The following FAM83F variants were observed in gnomAD, a reference collection of about 807,000 sequenced individuals.
FAM83F encodes scaffolding CK1 anchoring protein F.
FAM83F carries 45 observed loss-of-function variants against 42.9 expected under a neutral mutation model. That is an observed-to-expected ratio of 1.05 (90% CI 0.83 to 1.35). FAM83F has a LOEUF of 1.35. FAM83F is among the 40% of genes most tolerant of loss of function. The probability of loss-of-function intolerance (pLI) is 0.00; values close to 1 mark genes in which losing one functional copy is unlikely to be tolerated. For missense variants in FAM83F, 617 were observed against 695.9 expected (o/e 0.89, Z 1.28); for synonymous variants, 306 against 298.3 (o/e 1.03, Z -0.27).
chr22:40,029,579 G>T lies in FAM83F; in HGVS notation c.*14G>T. 6.2e-7 allele frequency: 1 copy of T among 1,610,150 alleles called. No individual in the cohort carries two copies. The highest frequency in any genetic ancestry group is 8.5e-7 in the Non-Finnish European group (1 of 1,178,152). On this transcript the variant is annotated 3_prime_UTR_variant, in exon 5 of 5. Coordinates refer to ENST00000333407, the MANE Select transcript of FAM83F (RefSeq NM_138435.4). ...GTGATTTCCTGAGCTGCGGGATGGT[G>T]GTGGGCAGGACGTGTGGATGCCTGC...
At chr22:40,015,627 C>T (rs2067488790) in intron 1 of FAM83F, among the ~76,000 whole-genome samples, 1 of 152,100 alleles carries the variant, frequency 6.6e-6, no homozygotes. Context: ...GCAAGGCAGC[C>T]CAGACAACCT....
intron 1 of FAM83F, among the ~76,000 whole-genome samples, chr22:40,014,131 CTTTTT>C (rs57224519): frequency 1.7e-5 from 2 of 116,808 alleles, no homozygotes; most frequent in African/African-American, 6.7e-5. Context: ...TATTTCTTTT[CTTTTT>C]TTTTTTTTTT....
chr22:40,022,383 C>T (rs1601771531), intron 4 of FAM83F, among the ~76,000 whole-genome samples: 1 of 152,148 alleles, frequency 6.6e-6, no homozygotes, highest in African/African-American at 2.4e-5. Flanking sequence ...GCAGCTCGAC[C>T]CTGGCTCTGA....
chr22:40,039,885 G>A lies in FAM83F; in HGVS notation c.*10320G>A, dbSNP rs2067643942. ...CAAAAAGGTTATAGATGAGCTTAGA[G>A]AAATGAATTTCAGTAGAGTTAGGGC... On this transcript the variant is annotated 3_prime_UTR_variant, in exon 5 of 5. Coordinates refer to ENST00000333407, the MANE Select transcript of FAM83F (RefSeq NM_138435.4). 6.6e-6 allele frequency: 1 copy of A among 152,298 alleles called. No individual in the cohort carries two copies. Among genetic ancestry groups the A allele is most frequent in the Non-Finnish European group, 1.5e-5 (1 of 68,058 alleles). 9.4% of individuals were successfully genotyped at this position (152,298 alleles called of 1,614,324 possible). A position where few individuals can be genotyped will look rare whatever the true frequency, so the allele number is the denominator to read the frequency against.
rs931272926 is a variant in FAM83F, at chr22:40,021,585, G to T, written c.1075G>T (p.Glu359Ter). 6.4e-7 allele frequency: 1 copy of T among 1,574,268 alleles called. No homozygotes were observed. The change falls in exon 4 of 5, where the codon GAG (glutamate) becomes TAG (stop). Residue 359 changes from glutamate to a stop codon, truncating the protein, a stop_gained. Transcript: ENST00000333407. LOFTEE classifies it high-confidence loss of function. This position sits in a 1 kb window ranked among gnomAD's most constrained non-coding sequence, Gnocchi z 8.7. ...GGCGGGCGGCAACCCGGAGGGGCAG[G>T]AGGAGGGCGCCAGCGGTGGCGAGTC... The part of the protein sequence containing the change: ...REAGGNPEGQ[E>*]EGASGGESAW...
At position 40,031,794 on chromosome 22, in the gene FAM83F, G is replaced by A. The variant is rs552394164; in HGVS notation, c.*2229G>A. The A allele has an allele frequency of 1.4e-4, 21 of 152,340 alleles. No individual in the cohort carries two copies. Among genetic ancestry groups the A allele is most frequent in the South Asian group, 4.1e-4 (2 of 4,830 alleles). 9.4% of individuals were successfully genotyped at this position (152,340 alleles called of 1,614,324 possible). A position where few individuals can be genotyped will look rare whatever the true frequency, so the allele number is the denominator to read the frequency against. ...ATAGCAGTGTGGACAAGATGGTGTC[G>A]GCACCCCCCGCTCCAAAAGGCTTGA... On this transcript the variant is annotated 3_prime_UTR_variant, in exon 5 of 5. Transcript: ENST00000333407.
chr22:40,005,476 C>T (rs556570522), intron 1 of FAM83F, among the ~76,000 whole-genome samples: 3 of 152,378 alleles, frequency 2.0e-5, no homozygotes, highest in Admixed American at 2.0e-4. Flanking sequence ...TAGGATCTTA[C>T]AAAGAATTGC....
At chr22:40,008,057 C>A (rs957499733) in intron 1 of FAM83F, among the ~76,000 whole-genome samples, 1 of 152,216 alleles carries the variant, frequency 6.6e-6, no homozygotes. Flanking sequence ...GGTGTAGACA[C>A]CCGGTATGGC....
chr22:40,013,082 CA>C (rs754625979), intron 1 of FAM83F, among the ~76,000 whole-genome samples: 993 of 46,366 alleles, frequency 0.021, 3 homozygotes, highest in African/African-American at 0.059. Flanking sequence ...GACTCCGTTT[CA>C]AAAAAAAAAA....
At chr22:39,996,936 G>A (rs2067375774) in intron 1 of FAM83F, among the ~76,000 whole-genome samples, 1 of 152,132 alleles carries the variant, frequency 6.6e-6, no homozygotes, top group Admixed American at 6.5e-5. Flanking sequence ...CTGGGGTTAG[G>A]GGTCAAGTCT....
At chr22:40,005,200 C>T (rs897548550) in intron 1 of FAM83F, among the ~76,000 whole-genome samples, 3 of 152,218 alleles carry the variant, frequency 2.0e-5, no homozygotes, top group Non-Finnish European at 4.4e-5. Context: ...CAAGAAATAC[C>T]TCGACAGATA....
intron 2 of FAM83F, among the ~76,000 whole-genome samples, chr22:40,019,609 C>T (rs1303900446): frequency 6.6e-6 from 1 of 152,202 alleles, no homozygotes; most frequent in Admixed American, 6.5e-5. Flanking sequence ...TGCAGAATCA[C>T]TGATGTCAAA....
At chr22:40,019,816 C>G in intron 2 of FAM83F, 71 bp from the exon 3 acceptor site, 1 of 1,531,830 alleles carries the variant, frequency 6.5e-7, no homozygotes, top group Non-Finnish European at 8.8e-7. Flanking sequence ...GGCTCTTCCT[C>G]TGCAGAAGCA....
chr22:40,012,423 C>T (rs1451026406), intron 1 of FAM83F, among the ~76,000 whole-genome samples: 2 of 152,152 alleles, frequency 1.3e-5, no homozygotes, highest in Non-Finnish European at 2.9e-5. Flanking sequence ...GCGTGAGCCA[C>T]TGCACCCAGC....
At chr22:40,025,465 C>T (rs1455587831) in intron 4 of FAM83F, among the ~76,000 whole-genome samples, 3 of 152,126 alleles carry the variant, frequency 2.0e-5, no homozygotes, top group Non-Finnish European at 2.9e-5. Flanking sequence ...GCAACAAATA[C>T]GCTTGGAGAG....
At chr22:39,997,222 G>C (rs1033527898) in intron 1 of FAM83F, among the ~76,000 whole-genome samples, 1 of 152,188 alleles carries the variant, frequency 6.6e-6, no homozygotes. Context: ...GGTGCAGTCC[G>C]ATTAAGCAAG....
At chr22:40,008,322 C>T (rs932522798) in intron 1 of FAM83F, among the ~76,000 whole-genome samples, 2 of 152,220 alleles carry the variant, frequency 1.3e-5, no homozygotes, top group African/African-American at 4.8e-5. Flanking sequence ...TTTCTCGCCC[C>T]CTCTCCTGAA....
intron 4 of FAM83F, among the ~76,000 whole-genome samples, chr22:40,027,559 C>T (rs917438874): frequency 6.6e-6 from 1 of 152,242 alleles, no homozygotes; most frequent in Admixed American, 6.5e-5. Flanking sequence ...TATACACCTT[C>T]CCTGTTCACC....
Position 40,021,568 on chromosome 22 carries a change from G to A in FAM83F, c.1058G>A (p.Gly353Asp). ...GCCCGGCAACAGCGGGAGGCGGGCGGCAACCCGGAGGGGCAGGAGGAGGGC... is the reference window on the plus strand; with the variant it reads ...GCCCGGCAACAGCGGGAGGCGGGCGACAACCCGGAGGGGCAGGAGGAGGGC... Reference protein sequence around the residue: ...WAARQQREAGGNPEGQEEGAS... With the variant: ...WAARQQREAGDNPEGQEEGAS... The change falls in exon 4 of 5, where the codon GGC becomes GAC. Residue 353 changes from glycine to aspartate, a missense_variant. Transcript: ENST00000333407. The surrounding 1 kb of genome is among the most constrained non-coding windows in gnomAD (Gnocchi z 8.7). The A allele has an allele frequency of 6.4e-7, 1 of 1,564,124 alleles. No homozygotes were observed. Among genetic ancestry groups the A allele is most frequent in the South Asian group, 1.2e-5 (1 of 85,240 alleles).
Sources: allele counts gnomAD v4.1 joint callset (sites outside exome capture counted in the v4.1 genomes callset), GRCh38; gene constraint gnomAD v4.1.1; non-coding constraint Gnocchi (gnomAD v3.1); transcripts MANE v1.5; gene names NCBI Gene and HGNC (gene_info 2026-07-23, HGNC 2026-07-21).